ACCSL: variants seen among roughly 807,000 people sequenced by gnomAD.
The protein encoded by ACCSL is probable inactive 1-aminocyclopropane-1-carboxylate synthase-like protein 2.
A neutral mutation model predicts 61.7 loss-of-function variants in ACCSL; 55 were observed. The observed-to-expected ratio is 0.89, with a 90% CI of 0.72 to 1.12. ACCSL has a LOEUF of 1.12. Ranked by LOEUF, ACCSL falls within the 50% of genes most tolerant of loss-of-function variation. ACCSL has a pLI of 0.00. For missense variants in ACCSL, 632 were observed against 698.0 expected (o/e 0.91, Z 1.07); for synonymous variants, 258 against 264.3 (o/e 0.98, Z 0.23).
At chr11:43,969,642 A>C in the ACCSL span, among the ~76,000 whole-genome samples, 471 of 151,848 alleles carry the variant, frequency 3.1e-3, 4 homozygotes, top group African/African-American at 0.011. Context: ...GTTCCCAGGG[A>C]GCAGCCCAGC....
chr11:43,974,885 T>A, the ACCSL span, among the ~76,000 whole-genome samples: 1 of 152,204 alleles, frequency 6.6e-6, no homozygotes, highest in Admixed American at 6.5e-5. Flanking sequence ...AGCCAGAATT[T>A]CCCAAAAGAG....
the ACCSL span, among the ~76,000 whole-genome samples, chr11:43,946,593 G>A: frequency 6.6e-6 from 1 of 151,962 alleles, no homozygotes; most frequent in African/African-American, 2.4e-5. Flanking sequence ...TTTTCAACCT[G>A]CTTTTTAAAT....
chr11:44,056,449 T>C lies in ACCSL; in HGVS notation c.1327+123T>C. On this transcript the variant is annotated intron_variant, in intron 11 of 13. Transcript: ENST00000378832. ...GAGACCCTATTTCCTGTCTCAGATT[T>C]AACTGTGGTAAGATGTGAGGTTTGA... is the stretch of plus-strand genomic sequence containing the variant. 1.2e-5 allele frequency: 15 copies of C among 1,294,710 alleles called. No individual in the cohort carries two copies. The South Asian group carries it at 2.2e-4, about 19-fold the overall frequency. 80.2% of individuals were successfully genotyped at this position (1,294,710 alleles called of 1,614,324 possible).
At chr11:43,951,235 A>G in the ACCSL span, among the ~76,000 whole-genome samples, 4 of 152,248 alleles carry the variant, frequency 2.6e-5, no homozygotes, top group African/African-American at 9.6e-5. Flanking sequence ...GGGGCCTTAC[A>G]GAAGCAAAAG....
chr11:43,975,523 A>T, the ACCSL span, among the ~76,000 whole-genome samples: 2 of 152,324 alleles, frequency 1.3e-5, no homozygotes, highest in Non-Finnish European at 2.9e-5. Flanking sequence ...TAATATAGCT[A>T]CTAAGAAGCT....
the ACCSL span, among the ~76,000 whole-genome samples, chr11:43,983,674 G>A: frequency 1.3e-5 from 2 of 151,564 alleles, no homozygotes; most frequent in African/African-American, 2.4e-5. Context: ...TGGAGGGCAG[G>A]GGAGAATCTA....
the ACCSL span, among the ~76,000 whole-genome samples, chr11:44,012,289 C>CTT: frequency 6.9e-6 from 1 of 145,030 alleles, no homozygotes; most frequent in Non-Finnish European, 1.5e-5. Flanking sequence ...ATTTGATTAA[C>CTT]TTTTTTTTTT....
chr11:44,035,139 C>A, the ACCSL span, among the ~76,000 whole-genome samples: 3 of 152,114 alleles, frequency 2.0e-5, no homozygotes, highest in African/African-American at 7.2e-5. Context: ...CTAAATAGCA[C>A]CCCCTCTTGC....
chr11:43,985,953 ACT>A, the ACCSL span, among the ~76,000 whole-genome samples: 1 of 150,744 alleles, frequency 6.6e-6, no homozygotes, highest in African/African-American at 2.4e-5. Flanking sequence ...ACAGCGTGAG[ACT>A]CTGTCTCAAA....
intron 1 of ACCSL, among the ~76,000 whole-genome samples, chr11:44,049,853 G>A (rs1019091278): frequency 6.6e-6 from 1 of 152,192 alleles, no homozygotes; most frequent in African/African-American, 2.4e-5. Flanking sequence ...TGGTCGATAG[G>A]ACATAACTTA....
the ACCSL span, among the ~76,000 whole-genome samples, chr11:43,986,550 C>T: frequency 2.0e-5 from 3 of 152,168 alleles, no homozygotes; most frequent in African/African-American, 7.2e-5. Context: ...TCTTTGATGA[C>T]AATGCTGAGC....
At chr11:44,026,014 G>A in the ACCSL span, among the ~76,000 whole-genome samples, 3 of 152,270 alleles carry the variant, frequency 2.0e-5, no homozygotes, top group African/African-American at 7.2e-5. Context: ...GTCAAGGTGT[G>A]CAACCCTTTG....
chr11:44,040,518 T>A, the ACCSL span, among the ~76,000 whole-genome samples: 2 of 152,128 alleles, frequency 1.3e-5, no homozygotes, highest in East Asian at 1.9e-4. Context: ...ATCTTATTAT[T>A]ACCTCTAAAG....
At chr11:43,959,017 T>A in the ACCSL span, among the ~76,000 whole-genome samples, 1 of 152,190 alleles carries the variant, frequency 6.6e-6, no homozygotes, top group Non-Finnish European at 1.5e-5. Flanking sequence ...GCTAGTTCCC[T>A]CCAGCCCTTT....
At chr11:43,961,646 C>T in the ACCSL span, among the ~76,000 whole-genome samples, 8 of 152,230 alleles carry the variant, frequency 5.3e-5, no homozygotes, top group Non-Finnish European at 1.2e-4. Context: ...GAATGCTTAC[C>T]TCTTTCTACC....
the ACCSL span, among the ~76,000 whole-genome samples, chr11:44,014,287 C>T: frequency 4.6e-5 from 7 of 152,154 alleles, no homozygotes; most frequent in African/African-American, 9.7e-5. Context: ...GGTCCAGCTG[C>T]GGGCAGGGGC....
chr11:44,059,889 T>A lies in ACCSL; in HGVS notation c.1676T>A (p.Val559Glu), dbSNP rs769199852. ...CAGGAGCAGAAGGAGGCTTTGATAG[T>A]GAAGCAGTTGGAGGATGCAATGAGG... Reference protein sequence around the residue: ...VLQEQKEALIVKQLEDAMRE With the variant: ...VLQEQKEALIEKQLEDAMRE Residue 559 changes from valine (V) to glutamate (E), a missense_variant, in exon 14 of 14, where the codon GTG (valine) becomes GAG (glutamate). Coordinates refer to ENST00000378832, the MANE Select transcript of ACCSL (RefSeq NM_001031854.2). 2.5e-6 allele frequency: 4 copies of A among 1,613,920 alleles called. No individual in the cohort carries two copies. Among genetic ancestry groups the A allele is most frequent in the Non-Finnish European group, 3.4e-6 (4 of 1,179,852 alleles).
At chr11:44,027,106 A>C in the ACCSL span, among the ~76,000 whole-genome samples, 2 of 152,190 alleles carry the variant, frequency 1.3e-5, no homozygotes, top group Non-Finnish European at 2.9e-5. Context: ...TCTTTTAATG[A>C]TTGGACAGAG....
the ACCSL span, among the ~76,000 whole-genome samples, chr11:44,037,825 G>A: frequency 2.6e-5 from 4 of 152,108 alleles, no homozygotes; most frequent in African/African-American, 9.7e-5. Flanking sequence ...AGACCAGAAG[G>A]GGGCCCAGAC....
Sources: gnomAD v4.1 joint callset for allele counts (sites outside exome capture counted in the v4.1 genomes callset) on GRCh38, gnomAD v4.1.1 for gene constraint, MANE v1.5 for transcripts, NCBI Gene and HGNC (gene_info 2026-07-23, HGNC 2026-07-21) for gene names.